The following EFCAB6 variants were observed in gnomAD, a reference collection of about 807,000 sequenced individuals.
The protein encoded by EFCAB6 is EF-hand calcium binding domain 6.
A neutral mutation model predicts 169.8 loss-of-function variants in EFCAB6; 156 were observed. The ratio of observed to expected loss-of-function variants is 0.92; its 90% CI spans 0.81 to 1.05. The LOEUF is 1.05. Among genes scored for constraint, EFCAB6 ranks in the 50% least tolerant of loss-of-function variants. EFCAB6 has a pLI of 0.00. For missense variants in EFCAB6, 1,800 were observed against 1,829.1 expected (o/e 0.98, Z 0.29); for synonymous variants, 698 against 676.4 (o/e 1.03, Z -0.50).
At chr22:43,564,466 A>T (rs2147151570) in intron 26 of EFCAB6, among the ~76,000 whole-genome samples, 1 of 151,860 alleles carries the variant, frequency 6.6e-6, no homozygotes, top group South Asian at 2.1e-4. Context: ...AAAGAAAAAA[A>T]AAAAAAGAAG....
At chr22:43,713,125 C>T (rs2059217516) in intron 9 of EFCAB6, among the ~76,000 whole-genome samples, 1 of 151,942 alleles carries the variant, frequency 6.6e-6, no homozygotes, top group Middle Eastern at 3.2e-3. Flanking sequence ...TGCTGTTATT[C>T]TCTCTCATAA....
chr22:43,714,359 AGAG>A lies in EFCAB6; in HGVS notation c.882+2486_882+2488del, dbSNP rs1489886013. ...GAAGGATAGAAGGAGGAAGGGAGAGAGAGGAGATGATTTTAGTACTATGACACA... is the reference window on the plus strand; with the variant it reads ...GAAGGATAGAAGGAGGAAGGGAGAGAGAGATGATTTTAGTACTATGACACA... On this transcript the variant is annotated intron_variant, in intron 9 of 31. Coordinates refer to ENST00000262726, the MANE Select transcript of EFCAB6 (RefSeq NM_022785.4). Among the ~76,000 whole-genome samples, 4 of 152,238 alleles carry A rather than the reference AGAG, an allele frequency of 2.6e-5. No individual in the cohort carries two copies. The East Asian group carries it at 7.7e-4, about 29-fold the overall frequency.
At chr22:43,578,336 C>T (rs527998332) in intron 25 of EFCAB6, among the ~76,000 whole-genome samples, 1 of 152,294 alleles carries the variant, frequency 6.6e-6, no homozygotes, top group African/African-American at 2.4e-5. Context: ...GTGTGTGGAG[C>T]CAGGACTCTG....
chr22:43,702,080 C>T (rs113131777), intron 10 of EFCAB6, among the ~76,000 whole-genome samples: 6 of 152,106 alleles, frequency 3.9e-5, no homozygotes, highest in African/African-American at 9.7e-5. Flanking sequence ...TCACACACTA[C>T]GAGAAACAGA....
At chr22:43,544,967 AG>A (rs1252238207) in intron 27 of EFCAB6, among the ~76,000 whole-genome samples, 2 of 132,508 alleles carry the variant, frequency 1.5e-5, no homozygotes, top group Non-Finnish European at 3.2e-5. Flanking sequence ...CTAAAAATAC[AG>A]AAAAAATAAA....
chr22:43,620,365 G>A (rs1356770821), intron 20 of EFCAB6, among the ~76,000 whole-genome samples: 1 of 151,956 alleles, frequency 6.6e-6, no homozygotes, highest in Non-Finnish European at 1.5e-5. Context: ...GGGAAAAAAG[G>A]CATATTAAAT....
chr22:43,612,371 G>A (rs1384513551), intron 21 of EFCAB6, among the ~76,000 whole-genome samples: 1 of 152,176 alleles, frequency 6.6e-6, no homozygotes, highest in Non-Finnish European at 1.5e-5. Context: ...TACAGAATGT[G>A]AGGAAAATTT....
chr22:43,715,839 T>C (rs779642608), intron 9 of EFCAB6, among the ~76,000 whole-genome samples: 1 of 152,228 alleles, frequency 6.6e-6, no homozygotes, highest in African/African-American at 2.4e-5. Context: ...AATATGACAG[T>C]GCTCACTTCT....
At chr22:43,634,181 G>A (rs1316288904) in intron 18 of EFCAB6, among the ~76,000 whole-genome samples, 3 of 152,148 alleles carry the variant, frequency 2.0e-5, no homozygotes, top group Non-Finnish European at 2.9e-5. Flanking sequence ...AATACACCTG[G>A]CAGGTGGGAC....
At chr22:43,776,616 T>G (rs1009042677) in intron 3 of EFCAB6, among the ~76,000 whole-genome samples, 3 of 152,048 alleles carry the variant, frequency 2.0e-5, no homozygotes, top group Non-Finnish European at 2.9e-5. Context: ...AGTAAGAATG[T>G]CTTCAACAGG....
rs933970627 is a variant in EFCAB6 at position 43,530,880 on chromosome 22, G to T, written c.4318C>A (p.Arg1440=). 6.2e-7 allele frequency: 1 copy of T among 1,614,236 alleles called. No individual in the cohort carries two copies. The highest frequency in any genetic ancestry group is 2.2e-5 in the East Asian group (1 of 44,890). ...TCATCATAGCTTTTGAACGTGCGCCGCATTGGCCTCCAGCAGTGCACAATT... is the reference window on the plus strand; with the variant it reads ...TCATCATAGCTTTTGAACGTGCGCCTCATTGGCCTCCAGCAGTGCACAATT... ...PKIVHCWRPM[R]RTFKSYDEAG... Residue 1440 remains arginine, a synonymous_variant, in exon 31 of 32, where the codon CGG becomes AGG. Coordinates refer to ENST00000262726, the MANE Select transcript of EFCAB6 (RefSeq NM_022785.4).
chr22:43,654,511 C>A (rs1029516940), intron 17 of EFCAB6, among the ~76,000 whole-genome samples: 5 of 152,368 alleles, frequency 3.3e-5, no homozygotes, highest in Non-Finnish European at 7.3e-5. Flanking sequence ...CCCGCCTCTG[C>A]GGTCTTCCTT....
At chr22:43,789,931 T>C (rs750280536) in intron 2 of EFCAB6, among the ~76,000 whole-genome samples, 16 of 151,796 alleles carry the variant, frequency 1.1e-4, no homozygotes, top group Non-Finnish European at 1.6e-4. Context: ...TGTAAAATTA[T>C]TAAATATTCA....
intron 4 of EFCAB6, among the ~76,000 whole-genome samples, chr22:43,769,821 C>T (rs942679459): frequency 2.0e-5 from 3 of 151,710 alleles, no homozygotes; most frequent in Non-Finnish European, 2.9e-5. Flanking sequence ...TCGTGGCTCA[C>T]TGCAACCTCC....
intron 26 of EFCAB6, among the ~76,000 whole-genome samples, chr22:43,569,831 CT>C (rs2049726879): frequency 6.6e-6 from 1 of 152,224 alleles, no homozygotes; most frequent in Non-Finnish European, 1.5e-5. Context: ...ATCAAGAAGA[CT>C]TAGCTTTTCT....
At chr22:43,728,681 CAT>C (rs1263945680) in intron 8 of EFCAB6, among the ~76,000 whole-genome samples, 2 of 152,112 alleles carry the variant, frequency 1.3e-5, no homozygotes, top group African/African-American at 2.4e-5. Flanking sequence ...AGCTTTTTTT[CAT>C]ATGTTTGTTG....
intron 27 of EFCAB6, among the ~76,000 whole-genome samples, chr22:43,548,868 A>G (rs533252008): frequency 6.6e-6 from 1 of 152,316 alleles, no homozygotes; most frequent in Non-Finnish European, 1.5e-5. Flanking sequence ...CAAATGGAAC[A>G]TTTATTAAAA....
intron 20 of EFCAB6, among the ~76,000 whole-genome samples, chr22:43,625,453 C>T (rs1423114890): frequency 2.0e-5 from 3 of 152,200 alleles, no homozygotes; most frequent in South Asian, 4.1e-4. Context: ...TGTCGGCTCT[C>T]GGCAGATCTC....
chr22:43,690,950 T>C (rs907583865), intron 10 of EFCAB6, among the ~76,000 whole-genome samples: 2 of 152,072 alleles, frequency 1.3e-5, no homozygotes, highest in East Asian at 3.9e-4. Flanking sequence ...CCTTCCATTA[T>C]AGCACTTATT....
Sources: allele counts gnomAD v4.1 joint callset (sites outside exome capture counted in the v4.1 genomes callset), GRCh38; gene constraint gnomAD v4.1.1; transcripts MANE v1.5; gene names NCBI Gene and HGNC (gene_info 2026-07-23, HGNC 2026-07-21).